Variants in KDM4C observed in about 807,000 individuals in gnomAD.
The protein encoded by KDM4C is lysine-specific demethylase 4C.
KDM4C carries 81 observed loss-of-function variants against 129.3 expected under a neutral mutation model. The ratio of observed to expected loss-of-function variants is 0.63; its 90% confidence interval spans 0.52 to 0.75. KDM4C has a LOEUF of 0.75. Ranked by LOEUF, KDM4C falls within the 30% of genes least tolerant of loss-of-function variation. The probability of loss-of-function intolerance (pLI) is 0.00; values close to 1 mark genes in which losing one functional copy is unlikely to be tolerated. For missense variants in KDM4C, 1,457 were observed against 1,304.0 expected, an observed-to-expected ratio of 1.12 and a Z score of -1.81; for synonymous variants, 573 against 456.1, an observed-to-expected ratio of 1.26 and a Z score of -3.26.
intron 4 of KDM4C, among the ~76,000 whole-genome samples, chr9:6,840,209 G>T (rs894134195): frequency 4.6e-5 from 7 of 150,704 alleles, no homozygotes; most frequent in African/African-American, 1.7e-4. Context: ...AGTAGCTAGG[G>T]CTACAGGCGG....
chr9:7,114,208 G>A (rs1424485886), intron 18 of KDM4C, among the ~76,000 whole-genome samples: 1 of 152,086 alleles, frequency 6.6e-6, no homozygotes, highest in African/African-American at 2.4e-5. Context: ...TTAACATCTT[G>A]TAGTTTGGGA....
At chr9:7,036,766 C>T (rs1827719756) in intron 15 of KDM4C, among the ~76,000 whole-genome samples, 1 of 152,150 alleles carries the variant, frequency 6.6e-6, no homozygotes, top group Non-Finnish European at 1.5e-5. Flanking sequence ...GATTTGTCTG[C>T]ACCACCCCCC....
chr9:6,777,431 G>A (rs938518042), intron 1 of KDM4C, among the ~76,000 whole-genome samples: 3 of 152,170 alleles, frequency 2.0e-5, no homozygotes, highest in Non-Finnish European at 4.4e-5. Context: ...TCTTCCTTCA[G>A]CTTCAGCTGG....
At chr9:6,856,470 C>A (rs1242068869) in intron 5 of KDM4C, among the ~76,000 whole-genome samples, 4 of 151,580 alleles carry the variant, frequency 2.6e-5, no homozygotes, top group Non-Finnish European at 5.9e-5. Context: ...TAGAAATACT[C>A]TTAAGTTGAA....
At chr9:6,855,746 TTA>T (rs1367704599) in intron 5 of KDM4C, among the ~76,000 whole-genome samples, 2 of 152,192 alleles carry the variant, frequency 1.3e-5, no homozygotes, top group African/African-American at 4.8e-5. Flanking sequence ...TATTGTTGAA[TTA>T]TATAATTCAA....
rs561905201 is a variant in KDM4C at position 6,835,447 on chromosome 9, C to G, written c.436-14060C>G. 2.7e-5 allele frequency: 33 copies of G among 1,202,738 alleles called. No homozygotes were observed. In the African/African-American group the frequency reaches 3.2e-4, roughly 12 times the overall value. The allele number at this position is 1,202,738 out of a possible 1,614,324, so 74.5% of individuals were successfully genotyped here. A position where few individuals can be genotyped will look rare whatever the true frequency, so the allele number is the denominator to read the frequency against. On this transcript the variant is annotated intron_variant, in intron 4 of 21. Transcript: ENST00000381309. The stretch of plus-strand genomic sequence containing the variant: ...GATGAAGATCAAGATCATTGCTCCT[C>G]CTGAGCTCAAGCACTCTGTGTGGAT...
intron 5 of KDM4C, 108 bp downstream of exon 5, chr9:6,849,808 G>A: frequency 1.1e-6 from 1 of 874,232 alleles, no homozygotes. Context: ...AGATTTATGT[G>A]AGCTGTAAGG....
chr9:7,016,221 A>G (rs962784155), intron 15 of KDM4C, among the ~76,000 whole-genome samples: 2 of 151,244 alleles, frequency 1.3e-5, no homozygotes, highest in South Asian at 2.1e-4. Context: ...TCCACCTTCC[A>G]GGTTCACACC....
chr9:7,035,715 T>A (rs1827526209), intron 15 of KDM4C, among the ~76,000 whole-genome samples: 1 of 152,148 alleles, frequency 6.6e-6, no homozygotes. Context: ...GATATCCAAT[T>A]TTTCCGGCAC....
intron 4 of KDM4C, among the ~76,000 whole-genome samples, chr9:6,821,420 G>C (rs148757200): frequency 3.0e-4 from 45 of 152,176 alleles, no homozygotes; most frequent in Middle Eastern, 6.8e-3. Context: ...ATTCTAACTG[G>C]TGTGAGATGG....
At chr9:6,923,614 C>T (rs377746068) in intron 8 of KDM4C, among the ~76,000 whole-genome samples, 1 of 152,136 alleles carries the variant, frequency 6.6e-6, no homozygotes, top group East Asian at 1.9e-4. Context: ...ATAGAATACC[C>T]ATACATTACA....
At chr9:7,153,891 G>C (rs1359742089) in intron 19 of KDM4C, among the ~76,000 whole-genome samples, 1 of 152,204 alleles carries the variant, frequency 6.6e-6, no homozygotes, top group Non-Finnish European at 1.5e-5. Flanking sequence ...AGGACACACT[G>C]CCTCCCCTTA....
intron 8 of KDM4C, among the ~76,000 whole-genome samples, chr9:6,968,474 C>T (rs982286417): frequency 1.3e-5 from 2 of 152,160 alleles, no homozygotes; most frequent in Admixed American, 1.3e-4. Context: ...GTCAGGTCTT[C>T]TCAGAGAGAG....
At chr9:7,111,486 G>T (rs932401825) in intron 18 of KDM4C, among the ~76,000 whole-genome samples, 1 of 152,042 alleles carries the variant, frequency 6.6e-6, no homozygotes, top group Admixed American at 6.6e-5. Context: ...TAACAGATGA[G>T]GAAATGGAAA....
At chr9:6,921,823 A>G (rs889030908) in intron 8 of KDM4C, among the ~76,000 whole-genome samples, 2 of 151,940 alleles carry the variant, frequency 1.3e-5, no homozygotes, top group East Asian at 1.9e-4. Context: ...TTTTACCTCC[A>G]TGACCCTTGC....
intron 17 of KDM4C, among the ~76,000 whole-genome samples, chr9:7,064,468 A>G (rs1587383438): frequency 6.6e-6 from 1 of 152,320 alleles, no homozygotes; most frequent in East Asian, 1.9e-4. Flanking sequence ...TGATTTTAGC[A>G]TGAACCTAGG....
chr9:6,940,744 A>G (rs1389823088), intron 8 of KDM4C, among the ~76,000 whole-genome samples: 1 of 152,238 alleles, frequency 6.6e-6, no homozygotes, highest in Non-Finnish European at 1.5e-5. Flanking sequence ...TCCATATATC[A>G]TAAGACATGT....
chr9:6,833,162 A>T (rs947750261), intron 4 of KDM4C, among the ~76,000 whole-genome samples: 2 of 152,128 alleles, frequency 1.3e-5, no homozygotes, highest in Non-Finnish European at 2.9e-5. Context: ...GGGGGGCTTC[A>T]TATGGTTTGG....
At chr9:6,747,564 A>G (rs1817925900) in intron 1 of KDM4C, among the ~76,000 whole-genome samples, 1 of 151,262 alleles carries the variant, frequency 6.6e-6, no homozygotes, top group South Asian at 2.1e-4. Flanking sequence ...AAAAAAGAAT[A>G]TAGAAATACA....
Sources: allele counts gnomAD v4.1 joint callset (sites outside exome capture counted in the v4.1 genomes callset), GRCh38; gene constraint gnomAD v4.1.1; transcripts MANE v1.5; gene names NCBI Gene and HGNC (gene_info 2026-07-23, HGNC 2026-07-21).